NT5C2: variants seen among roughly 807,000 people sequenced by gnomAD.
NT5C2 encodes the protein cytosolic purine 5'-nucleotidase.
In NT5C2, 58 loss-of-function variants were observed where a neutral mutation model predicts 76.1. The observed-to-expected ratio is 0.76, with a 90% CI of 0.62 to 0.95. The LOEUF is 0.95. NT5C2 is among the 40% of genes least tolerant of loss of function. The pLI, the probability that NT5C2 is intolerant of heterozygous loss-of-function variation, is 0.00. For missense variants in NT5C2, 478 were observed against 690.3 expected (o/e 0.69, Z 3.45); for synonymous variants, 229 against 237.4 (o/e 0.96, Z 0.32).
chr10:103,106,662 C>A lies in NT5C2; in HGVS notation c.220G>T (p.Val74Leu), dbSNP rs771587540. 6.2e-7 allele frequency: 1 copy of A among 1,613,804 alleles called. No homozygotes were observed. The highest frequency in any genetic ancestry group is 1.7e-5 in the Admixed American group (1 of 60,012). ...EYESLGFELT[V>L]ERLVSIGYPQ... The stretch of plus-strand genomic sequence containing the variant: ...TAGCCAATAGAAACTAATCTCTCCA[C>A]AGTAAGCTCAAAACCAAGGGACTCA... Residue 74 changes from valine to leucine, a missense_variant, in exon 5 of 19, where the codon GTG becomes TTG. Physicochemically the swap from Val to Leu is conservative, Grantham distance 32 (BLOSUM62 1). Coordinates refer to ENST00000404739, the MANE Select transcript of NT5C2 (RefSeq NM_001351169.2).
chr10:103,192,966 G>A (rs1454525794), intron 1 of NT5C2, among the ~76,000 whole-genome samples: 1 of 152,108 alleles, frequency 6.6e-6, no homozygotes, highest in African/African-American at 2.4e-5. Context: ...AGCGTGACGT[G>A]GGCCGGAGGC....
chr10:103,114,059 G>A (rs2073730606), intron 4 of NT5C2, among the ~76,000 whole-genome samples: 1 of 152,188 alleles, frequency 6.6e-6, no homozygotes, highest in Non-Finnish European at 1.5e-5. Flanking sequence ...GGAGCCAAAT[G>A]TTCCCAATTG....
At chr10:103,127,009 T>C (rs2076790920) in intron 4 of NT5C2, among the ~76,000 whole-genome samples, 1 of 152,252 alleles carries the variant, frequency 6.6e-6, no homozygotes, top group East Asian at 1.9e-4. Context: ...AGGGTCTCAT[T>C]AGGTTCCCCA....
At chr10:103,147,338 T>A in intron 3 of NT5C2, among the ~76,000 whole-genome samples, 1 of 152,238 alleles carries the variant, frequency 6.6e-6, no homozygotes, top group East Asian at 1.9e-4. Context: ...GTAATCAAAG[T>A]GAGCTACTTG....
intron 4 of NT5C2, among the ~76,000 whole-genome samples, chr10:103,128,298 C>A (rs557982221): frequency 6.7e-6 from 1 of 150,312 alleles, no homozygotes; most frequent in African/African-American, 2.4e-5. Context: ...AGCCCCTAAC[C>A]GCGAGTGATC....
intron 3 of NT5C2, among the ~76,000 whole-genome samples, chr10:103,166,518 A>G (rs1034505096): frequency 6.6e-6 from 1 of 152,262 alleles, no homozygotes; most frequent in Non-Finnish European, 1.5e-5. Context: ...GGAGGAAAAT[A>G]ATAAGCTGAA....
chr10:103,118,345 TATC>T (rs1401974067), intron 4 of NT5C2, among the ~76,000 whole-genome samples: 1 of 151,218 alleles, frequency 6.6e-6, no homozygotes, highest in East Asian at 1.9e-4. Flanking sequence ...AGCATGAAAT[TATC>T]ATATTTCTTT....
chr10:103,171,128 C>CT (rs2087878456), intron 3 of NT5C2, among the ~76,000 whole-genome samples: 1 of 152,096 alleles, frequency 6.6e-6, no homozygotes, highest in African/African-American at 2.4e-5. Context: ...AATGTTTTCA[C>CT]TTTTTCAGGG....
intron 4 of NT5C2, 42 bp downstream of exon 4, chr10:103,139,364 C>G: frequency 7.3e-7 from 1 of 1,374,472 alleles, no homozygotes; most frequent in Non-Finnish European, 1.0e-6. Context: ...CTGTGTTATA[C>G]CCAAAGCAGC....
chr10:103,166,020 A>T (rs1404601591), intron 3 of NT5C2, among the ~76,000 whole-genome samples: 1 of 152,234 alleles, frequency 6.6e-6, no homozygotes, highest in East Asian at 1.9e-4. Flanking sequence ...GTAATTGTAG[A>T]TTCACACGCA....
chr10:103,109,078 G>A (rs530282155), intron 4 of NT5C2, among the ~76,000 whole-genome samples: 31 of 152,156 alleles, frequency 2.0e-4, no homozygotes, highest in African/African-American at 4.8e-4. Flanking sequence ...TCGAACTCCT[G>A]ACCTCAAGTG....
At chr10:103,179,381 G>C (rs761713576) in intron 2 of NT5C2, among the ~76,000 whole-genome samples, 30 of 152,096 alleles carry the variant, frequency 2.0e-4, no homozygotes, top group Admixed American at 9.8e-4. Context: ...CTGTAGGTAG[G>C]AAAACCATGG....
At chr10:103,138,714 G>T (rs775072212) in intron 4 of NT5C2, among the ~76,000 whole-genome samples, 32 of 152,192 alleles carry the variant, frequency 2.1e-4, no homozygotes, top group Middle Eastern at 6.3e-3. Context: ...TCTGTGTTAA[G>T]AATAACATAC....
intron 3 of NT5C2, among the ~76,000 whole-genome samples, chr10:103,147,235 T>C (rs12243903): frequency 0.15 from 22,762 of 152,206 alleles, 1,769 homozygotes; most frequent in Middle Eastern, 0.22. Flanking sequence ...AATTAATAAA[T>C]TGCAAATTAT....
Position 103,112,661 on chromosome 10 carries a change from G to A in NT5C2, c.176-5955C>T, listed in dbSNP as rs564596052. Among the ~76,000 whole-genome samples, 6 of 152,242 alleles carry A rather than the reference G, an allele frequency of 3.9e-5. No individual in the cohort carries two copies. In the South Asian group the frequency reaches 8.3e-4, roughly 21 times the overall value. On this transcript the variant is annotated intron_variant, in intron 4 of 18. Transcript: ENST00000404739. ...TCTTGGATTTTTGGGGTACTCAACC[G>A]AAGAGCAGAAATGACCAGATGCAAT... is the stretch of plus-strand genomic sequence containing the variant.
At chr10:103,100,909 T>C (rs2069448582) in intron 8 of NT5C2, 136 bp downstream of exon 8, 7 of 709,924 alleles carry the variant, frequency 9.9e-6, no homozygotes, top group Non-Finnish European at 1.8e-5. Flanking sequence ...TCTCTCAGGT[T>C]GGCAATGTGG....
intron 4 of NT5C2, among the ~76,000 whole-genome samples, chr10:103,128,311 G>A (rs929412917): frequency 5.3e-5 from 8 of 149,954 alleles, no homozygotes; most frequent in African/African-American, 1.2e-4. Flanking sequence ...GAGTGATCCC[G>A]CCAACCTCGG....
At chr10:103,153,814 C>T in intron 3 of NT5C2, 1 of 957,830 alleles carries the variant, frequency 1.0e-6, no homozygotes, top group Non-Finnish European at 1.2e-6. Flanking sequence ...TTTCCTCCCT[C>T]AGAAAATAAA....
intron 4 of NT5C2, among the ~76,000 whole-genome samples, chr10:103,107,278 T>C (rs1458160406): frequency 2.0e-5 from 3 of 152,224 alleles, no homozygotes; most frequent in African/African-American, 7.2e-5. Flanking sequence ...GCTCTAACAA[T>C]GTATGCCATC....
Sources: gnomAD v4.1 joint callset for allele counts (sites outside exome capture counted in the v4.1 genomes callset) on GRCh38, gnomAD v4.1.1 for gene constraint, MANE v1.5 for transcripts, NCBI Gene and HGNC (gene_info 2026-07-23, HGNC 2026-07-21) for gene names.